Variants in PPFIBP1 observed in about 807,000 individuals in gnomAD.
The protein encoded by PPFIBP1 is liprin-beta-1.
A neutral mutation model predicts 137.8 loss-of-function variants in PPFIBP1; 112 were observed. That is an observed-to-expected ratio of 0.81 (90% CI 0.70 to 0.95). The LOEUF (loss-of-function observed/expected upper bound fraction) is 0.95, where lower values mean the gene tolerates loss of function less well. Ranked by LOEUF, PPFIBP1 falls within the 40% of genes least tolerant of loss-of-function variation. PPFIBP1 has a pLI of 0.00. For synonymous variants in PPFIBP1, 378 were observed against 417.3 expected, an observed-to-expected ratio of 0.91 and a Z score of 1.15; for missense variants, 1,083 against 1,196.6, an observed-to-expected ratio of 0.91 and a Z score of 1.40.
At chr12:27,573,654 T>C (rs1330942983) in intron 1 of PPFIBP1, among the ~76,000 whole-genome samples, 4 of 152,148 alleles carry the variant, frequency 2.6e-5, no homozygotes, top group East Asian at 1.9e-4. Flanking sequence ...TCTGCAGACA[T>C]TGAAAACCAG....
At chr12:27,625,331 C>T (rs746934699) in intron 2 of PPFIBP1, among the ~76,000 whole-genome samples, 3 of 152,144 alleles carry the variant, frequency 2.0e-5, no homozygotes. Flanking sequence ...CAACTTATGG[C>T]TAATCTTGTT....
At chr12:27,581,596 C>T (rs1592614435) in intron 2 of PPFIBP1, among the ~76,000 whole-genome samples, 1 of 152,102 alleles carries the variant, frequency 6.6e-6, no homozygotes, top group African/African-American at 2.4e-5. Flanking sequence ...TTTCTCTGTA[C>T]CCTTTTTGCA....
At chr12:27,610,943 A>T (rs73080233) in intron 2 of PPFIBP1, among the ~76,000 whole-genome samples, 8,700 of 151,852 alleles carry the variant, frequency 0.057, 353 homozygotes, top group East Asian at 0.091. Flanking sequence ...AGGTGGGGAA[A>T]ATAGGAAAAG....
Position 27,687,477 on chromosome 12 carries a change from A to G in PPFIBP1, c.2340A>G (p.Pro780=). The part of the protein sequence containing the change: ...IQVLRINNFE[P]NCLRRRPSDE... ...TCCTGAGGATCAATAACTTTGAACC[A>G]AACTGTCTACGGAGGCGGCCATCTG... Residue 780 remains proline, a synonymous_variant, in exon 25 of 30, where the codon CCA becomes CCG. Transcript: ENST00000228425. 1 of 1,614,012 alleles carries G rather than the reference A, an allele frequency of 6.2e-7. No individual in the cohort carries two copies. Among genetic ancestry groups the G allele is most frequent in the Non-Finnish European group, 8.5e-7 (1 of 1,179,886 alleles).
At chr12:27,581,918 T>A (rs2051159720) in intron 2 of PPFIBP1, among the ~76,000 whole-genome samples, 1 of 152,152 alleles carries the variant, frequency 6.6e-6, no homozygotes, top group South Asian at 2.1e-4. Flanking sequence ...TACCATCAGA[T>A]AGAGATTTAG....
chr12:27,571,269 A>G (rs1424877818), intron 1 of PPFIBP1, among the ~76,000 whole-genome samples: 4 of 152,178 alleles, frequency 2.6e-5, no homozygotes, highest in African/African-American at 7.2e-5. Context: ...TTCTTGTGAA[A>G]GGAGTATATA....
chr12:27,542,320 A>T (rs78139662), intron 1 of PPFIBP1, among the ~76,000 whole-genome samples: 162 of 152,332 alleles, frequency 1.1e-3, no homozygotes, highest in Middle Eastern at 3.4e-3. Context: ...TATGTAAGGA[A>T]CTTTAGCATC....
At chr12:27,632,389 C>T (rs572812029) in intron 2 of PPFIBP1, among the ~76,000 whole-genome samples, 52 of 152,234 alleles carry the variant, frequency 3.4e-4, no homozygotes, top group African/African-American at 1.2e-3. Flanking sequence ...GAGCTTTATT[C>T]GGGTCTATTG....
chr12:27,638,218 A>G (rs184563412), intron 4 of PPFIBP1, among the ~76,000 whole-genome samples: 342 of 152,364 alleles, frequency 2.2e-3, no homozygotes, highest in Admixed American at 3.8e-3. Context: ...TAAATTTTAC[A>G]TATATATTTT....
intron 5 of PPFIBP1, among the ~76,000 whole-genome samples, chr12:27,647,167 A>G (rs1362015156): frequency 1.3e-5 from 2 of 151,790 alleles, no homozygotes; most frequent in Non-Finnish European, 2.9e-5. Context: ...ACAGCCAGCT[A>G]ATTTTGTATT....
chr12:27,677,418 T>G, intron 19 of PPFIBP1: 1 of 387,750 alleles, frequency 2.6e-6, no homozygotes, highest in Non-Finnish European at 4.7e-6. Flanking sequence ...AGCCTTGAAG[T>G]GCATATTACC....
intron 7 of PPFIBP1, 167 bp from the exon 8 acceptor site, chr12:27,654,555 G>C (rs1301699245): frequency 1.2e-6 from 1 of 809,212 alleles, no homozygotes; most frequent in Non-Finnish European, 1.8e-6. Flanking sequence ...ATGGAAAGAT[G>C]CCTTCGTTCT....
At chr12:27,576,680 C>A (rs1178190834) in intron 1 of PPFIBP1, among the ~76,000 whole-genome samples, 1 of 152,148 alleles carries the variant, frequency 6.6e-6, no homozygotes, top group East Asian at 1.9e-4. Context: ...GGTGTTAGAT[C>A]AGCTGTGTTG....
At chr12:27,555,224 A>T (rs946804141) in intron 1 of PPFIBP1, among the ~76,000 whole-genome samples, 22 of 152,166 alleles carry the variant, frequency 1.4e-4, no homozygotes, top group African/African-American at 4.6e-4. Context: ...AATAGCTAGC[A>T]CCCCTGGTTC....
intron 13 of PPFIBP1, among the ~76,000 whole-genome samples, chr12:27,669,479 G>A (rs1166223338): frequency 6.6e-6 from 1 of 152,190 alleles, no homozygotes; most frequent in Non-Finnish European, 1.5e-5. Context: ...TTTGTAACAA[G>A]AATGGTTTGA....
chr12:27,690,233 A>G (rs2061449605), intron 27 of PPFIBP1, among the ~76,000 whole-genome samples: 1 of 152,010 alleles, frequency 6.6e-6, no homozygotes, highest in Non-Finnish European at 1.5e-5. Flanking sequence ...GGGAGGCCCA[A>G]CTTTTTAGGT....
chr12:27,559,709 T>G (rs2049005110), intron 1 of PPFIBP1, among the ~76,000 whole-genome samples: 2 of 152,220 alleles, frequency 1.3e-5, no homozygotes, highest in Admixed American at 1.3e-4. Flanking sequence ...CTGTGGTATT[T>G]GAAAACCTAA....
intron 6 of PPFIBP1, 48 bp downstream of exon 6, chr12:27,647,890 G>T (rs376255329): frequency 1.4e-4 from 224 of 1,564,496 alleles, no homozygotes; most frequent in Middle Eastern, 8.9e-4. Context: ...GCTGAACTAT[G>T]TGAGATGCTG....
intron 2 of PPFIBP1, among the ~76,000 whole-genome samples, chr12:27,588,582 G>A (rs1298302370): frequency 3.9e-5 from 6 of 152,160 alleles, no homozygotes; most frequent in African/African-American, 1.4e-4. Flanking sequence ...GAGTGGGTAT[G>A]CAGGAAACCT....
Sources: allele counts gnomAD v4.1 joint callset (sites outside exome capture counted in the v4.1 genomes callset), GRCh38; gene constraint gnomAD v4.1.1; transcripts MANE v1.5; gene names NCBI Gene and HGNC (gene_info 2026-07-23, HGNC 2026-07-21).